Variants in PCDHGA12 observed in about 807,000 individuals in gnomAD.
The protein encoded by PCDHGA12 is protocadherin gamma-A12.
A neutral mutation model predicts 61.1 loss-of-function variants in PCDHGA12; 43 were observed. That is an observed-to-expected ratio of 0.70 (90% CI 0.55 to 0.91). The LOEUF (loss-of-function observed/expected upper bound fraction) is 0.91, where lower values mean the gene tolerates loss of function less well. Ranked by LOEUF, PCDHGA12 falls within the 40% of genes least tolerant of loss-of-function variation. The pLI is 0.00. For missense variants in PCDHGA12, 1,236 were observed against 1,227.7 expected (o/e 1.01, Z -0.10); for synonymous variants, 520 against 542.9 (o/e 0.96, Z 0.59).
chr5:141,432,071 AT>A lies in PCDHGA12; in HGVS notation c.1313del (p.Ile438ThrfsTer3). 1 of 1,614,158 alleles carries A rather than the reference AT, an allele frequency of 6.2e-7. No individual in the cohort carries two copies. Among genetic ancestry groups the A allele is most frequent in the Non-Finnish European group, 8.5e-7 (1 of 1,180,032 alleles). ...CCCGCCCCTATCCACGGAAACTCAT[AT>A]CTCGCTGAACGTGGCAGACACCAAC... ...GTPPLSTETH[I>X]SLNVADTNDN... On this transcript the variant is annotated frameshift_variant, in exon 1 of 4. Transcript: ENST00000252085. LOFTEE classifies it high-confidence loss of function. The surrounding 1 kb of genome is among the most constrained non-coding windows in gnomAD (Gnocchi z 6.0).
intron 2 of PCDHGA12, among the ~76,000 whole-genome samples, chr5:141,500,892 G>GAT (rs1036007799): frequency 1.1e-5 from 1 of 88,010 alleles, no homozygotes; most frequent in African/African-American, 7.1e-5. Flanking sequence ...TTTTTTTTGA[G>GAT]ACAGTCTCGC....
chr5:141,474,505 A>G (rs2099350724), intron 1 of PCDHGA12, among the ~76,000 whole-genome samples: 2 of 152,248 alleles, frequency 1.3e-5, no homozygotes, highest in Admixed American at 6.5e-5. Context: ...AATGCCTATC[A>G]GCCCTCTTGC....
chr5:141,446,775 T>C (rs1175892018), intron 1 of PCDHGA12, among the ~76,000 whole-genome samples: 2 of 152,188 alleles, frequency 1.3e-5, no homozygotes, highest in Admixed American at 6.5e-5. Context: ...CCGGTTACCA[T>C]TCTTTTACTC....
intron 1 of PCDHGA12, among the ~76,000 whole-genome samples, chr5:141,442,609 TA>T (rs1238913928): frequency 6.6e-6 from 1 of 152,112 alleles, no homozygotes; most frequent in African/African-American, 2.4e-5. Flanking sequence ...GAGATCTCAG[TA>T]AAAAGCATTT....
At chr5:141,451,779 G>T (rs1284464259) in intron 1 of PCDHGA12, among the ~76,000 whole-genome samples, 1 of 152,070 alleles carries the variant, frequency 6.6e-6, no homozygotes, top group Non-Finnish European at 1.5e-5. Flanking sequence ...TACTCAGGAG[G>T]CTGAGGCCAG....
chr5:141,446,130 CTT>C (rs1191897284), intron 1 of PCDHGA12, among the ~76,000 whole-genome samples: 2 of 152,076 alleles, frequency 1.3e-5, no homozygotes, highest in African/African-American at 4.8e-5. Context: ...TTCAATAAGA[CTT>C]AATAATGGAA....
At chr5:141,498,826 A>G (rs1186868890) in intron 2 of PCDHGA12, among the ~76,000 whole-genome samples, 1 of 152,006 alleles carries the variant, frequency 6.6e-6, no homozygotes, top group African/African-American at 2.4e-5. Context: ...CCAGCTACTC[A>G]GGAGGCTGAG....
Position 141,496,888 on chromosome 5 carries a change from TA to T in PCDHGA12, c.2483+2038del, listed in dbSNP as rs35063790. 4.6e-3 allele frequency among the ~76,000 whole-genome samples: 621 copies of T among 133,932 alleles called. 1 individual carries two copies. Among genetic ancestry groups the T allele is most frequent in the Middle Eastern group, 0.011 (3 of 270 alleles). 87.9% of individuals were successfully genotyped at this position (133,932 alleles called of 152,430 possible). ...CTGAAAATTTGCAACAAGTAACACT[TA>T]AAAAAAAAAAAAAAGGCTGGGCACT... On this transcript the variant is annotated intron_variant, in intron 2 of 3. Coordinates refer to ENST00000252085, the MANE Select transcript of PCDHGA12 (RefSeq NM_003735.3).
At position 141,431,052 on chromosome 5, in the gene PCDHGA12, G is replaced by T. The variant is rs148326556; in HGVS notation, c.293G>T (p.Gly98Val). 7.4e-6 allele frequency: 12 copies of T among 1,614,110 alleles called. No homozygotes were observed. The African/African-American group carries it at 1.6e-4, about 22-fold the overall frequency. Residue 98 changes from glycine to valine, a missense_variant, in exon 1 of 4, where the codon GGG becomes GTG. Physicochemically the swap from Gly to Val is moderately radical, Grantham distance 109. Coordinates refer to ENST00000252085, the MANE Select transcript of PCDHGA12 (RefSeq NM_003735.3). The surrounding 1 kb of genome is among the most constrained non-coding windows in gnomAD (Gnocchi z 4.8). ...GRIDREELCM[G>V]AIKCQLNLDI... ...ATAGACCGGGAGGAGCTCTGTATGG[G>T]GGCCATCAAGTGTCAATTAAATCTA...
intron 1 of PCDHGA12, among the ~76,000 whole-genome samples, chr5:141,474,404 G>A (rs1014003488): frequency 4.6e-5 from 7 of 152,156 alleles, no homozygotes; most frequent in East Asian, 1.9e-4. Context: ...CAAGCTCCCC[G>A]GTGATGCCTA....
chr5:141,462,998 C>A (rs562002585), intron 1 of PCDHGA12, among the ~76,000 whole-genome samples: 3 of 152,190 alleles, frequency 2.0e-5, no homozygotes, highest in Admixed American at 2.0e-4. Context: ...CTAATTTAGA[C>A]CTACCACTTA....
Position 141,431,432 on chromosome 5 carries a change from AC to A in PCDHGA12, c.675del (p.Ala226ArgfsTer5). 2 of 1,613,692 alleles carry A rather than the reference AC, an allele frequency of 1.2e-6. No individual in the cohort carries two copies. Among genetic ancestry groups the A allele is most frequent in the Non-Finnish European group, 1.7e-6 (2 of 1,180,026 alleles). On this transcript the variant is annotated frameshift_variant, in exon 1 of 4. Transcript: ENST00000252085. LOFTEE classifies it high-confidence loss of function. The surrounding 1 kb of genome is among the most constrained non-coding windows in gnomAD (Gnocchi z 4.8). ...SDGGDPVRTGTARIRVMVLDA... is the reference protein window; with the variant it reads ...SDGGDPVRTGXARIRVMVLDA... ...CGGGGGCGACCCGGTGCGCACAGGC[AC>A]CGCGCGCATCCGCGTGATGGTTCTG... is the stretch of plus-strand genomic sequence containing the variant.
At position 141,490,475 on chromosome 5, in the gene PCDHGA12, T is replaced by C. The variant is rs769951029; in HGVS notation, c.2425-4332T>C. On this transcript the variant is annotated intron_variant, in intron 1 of 3. Coordinates refer to ENST00000252085, the MANE Select transcript of PCDHGA12 (RefSeq NM_003735.3). This position sits in a 1 kb window ranked among gnomAD's most constrained non-coding sequence, Gnocchi z 5.4. ...TACTCGCTGCTAACCAGCCAGCCTTTGGACCGGGAGGCCACATCCCACTAT... is the reference window on the plus strand; with the variant it reads ...TACTCGCTGCTAACCAGCCAGCCTTCGGACCGGGAGGCCACATCCCACTAT... The C allele has an allele frequency of 3.7e-6, 6 of 1,614,240 alleles. No individual in the cohort carries two copies. The highest frequency in any genetic ancestry group is 5.1e-6 in the Non-Finnish European group (6 of 1,180,038).
chr5:141,437,693 C>G (rs1305650032), intron 1 of PCDHGA12, among the ~76,000 whole-genome samples: 1 of 151,638 alleles, frequency 6.6e-6, no homozygotes, highest in African/African-American at 2.4e-5. Context: ...GAGGCTAAAT[C>G]TCAAGAAAGA....
chr5:141,483,606 C>T (rs1460635551), intron 1 of PCDHGA12, among the ~76,000 whole-genome samples: 1 of 151,984 alleles, frequency 6.6e-6, no homozygotes, highest in Non-Finnish European at 1.5e-5. Flanking sequence ...CTGGTTTACA[C>T]CTCCATCATT....
At position 141,430,860 on chromosome 5, in the gene PCDHGA12, C is replaced by G. The variant is rs773955533; in HGVS notation, c.101C>G (p.Ser34Ter). ...ACCGGATGCACCCAGATACGCTATTCAGTTCCGGAAGAGCTGGAGAAAGGC... is the reference window on the plus strand; with the variant it reads ...ACCGGATGCACCCAGATACGCTATTGAGTTCCGGAAGAGCTGGAGAAAGGC... ...WETGCTQIRY[S>*]VPEELEKGSR... Residue 34 changes from serine to a stop codon, truncating the protein, a stop_gained, in exon 1 of 4, where the codon TCA (serine) becomes TGA (stop). Transcript: ENST00000252085. LOFTEE classifies it high-confidence loss of function. 4 of 1,592,382 alleles carry G rather than the reference C, an allele frequency of 2.5e-6. No individual in the cohort carries two copies. In the South Asian group the frequency reaches 4.6e-5, roughly 18 times the overall value.
chr5:141,434,924 A>G (rs2097731722), intron 1 of PCDHGA12, among the ~76,000 whole-genome samples: 1 of 151,756 alleles, frequency 6.6e-6, no homozygotes, highest in African/African-American at 2.4e-5. Context: ...ATGTACATAT[A>G]TTTTATATAA....
At chr5:141,440,696 A>G (rs2098194818) in intron 1 of PCDHGA12, 1 of 152,210 alleles carries the variant, frequency 6.6e-6, no homozygotes, top group Non-Finnish European at 1.5e-5. Flanking sequence ...AAAGTGACCA[A>G]CAGTGGAAAG....
At chr5:141,504,381 T>C (rs1039838477) in intron 2 of PCDHGA12, among the ~76,000 whole-genome samples, 4 of 152,130 alleles carry the variant, frequency 2.6e-5, no homozygotes, top group Non-Finnish European at 5.9e-5. Context: ...GTGGAGTCGC[T>C]GCCTCACAGA....
Sources: gnomAD v4.1 joint callset for allele counts (sites outside exome capture counted in the v4.1 genomes callset) on GRCh38, gnomAD v4.1.1 for gene constraint, Gnocchi (gnomAD v3.1) non-coding constraint, MANE v1.5 for transcripts, NCBI Gene and HGNC (gene_info 2026-07-23, HGNC 2026-07-21) for gene names.